CASD1: variants seen among roughly 807,000 people sequenced by gnomAD.
The protein encoded by CASD1 is N-acetylneuraminate (7)9-O-acetyltransferase.
A neutral mutation model predicts 100.0 loss-of-function variants in CASD1; 41 were observed. The observed-to-expected ratio is 0.41, with a 90% CI of 0.32 to 0.53. The LOEUF is 0.53. Ranked by LOEUF, CASD1 falls within the 20% of genes least tolerant of loss-of-function variation. CASD1 has a pLI of 0.25. For missense variants in CASD1, 774 were observed against 948.7 expected, an observed-to-expected ratio of 0.82 and a Z score of 2.42; for synonymous variants, 321 against 315.6, an observed-to-expected ratio of 1.02 and a Z score of -0.18.
chr7:94,570,467 C>T, the CASD1 span, among the ~76,000 whole-genome samples: 4 of 151,964 alleles, frequency 2.6e-5, no homozygotes, highest in Non-Finnish European at 5.9e-5. Context: ...ATCGTGTGCC[C>T]AATAATATAG....
At chr7:94,587,834 A>C in the CASD1 span, 1 of 1,533,346 alleles carries the variant, frequency 6.5e-7, no homozygotes. Flanking sequence ...GAAAGCAGTA[A>C]TAGAGAAGAT....
intron 14 of CASD1, among the ~76,000 whole-genome samples, chr7:94,550,356 G>T (rs1795889715): frequency 6.6e-6 from 1 of 151,384 alleles, no homozygotes; most frequent in Non-Finnish European, 1.5e-5. Context: ...CATTTTTCCA[G>T]TGTACTACAT....
At chr7:94,537,307 C>G (rs1795168379) in intron 8 of CASD1, among the ~76,000 whole-genome samples, 165 bp from the exon 9 acceptor site, 1 of 152,102 alleles carries the variant, frequency 6.6e-6, no homozygotes, top group Non-Finnish European at 1.5e-5. Context: ...CTAGCTGTTA[C>G]AGATGGAATG....
the CASD1 span, among the ~76,000 whole-genome samples, chr7:94,630,951 G>T: frequency 6.6e-6 from 1 of 151,938 alleles, no homozygotes; most frequent in Non-Finnish European, 1.5e-5. Context: ...CTTTATCTGT[G>T]AAAACTTGTC....
chr7:94,624,327 T>G, the CASD1 span: 3 of 397,632 alleles, frequency 7.5e-6, no homozygotes, highest in Non-Finnish European at 1.3e-5. Flanking sequence ...ATATCAAAGA[T>G]TTTTATACAT....
intron 17 of CASD1, among the ~76,000 whole-genome samples, chr7:94,555,083 T>C (rs1486788828): frequency 6.6e-6 from 1 of 152,108 alleles, no homozygotes; most frequent in African/African-American, 2.4e-5. Context: ...ACAAAATCAG[T>C]TTGAACAGTA....
At chr7:94,533,271 T>C in intron 6 of CASD1, 22 bp downstream of exon 6, 1 of 1,591,014 alleles carries the variant, frequency 6.3e-7, no homozygotes, top group Non-Finnish European at 8.6e-7. Context: ...TCTGTATTCT[T>C]ACTTAATGAT....
chr7:94,567,030 T>G, the CASD1 span, among the ~76,000 whole-genome samples: 2 of 152,178 alleles, frequency 1.3e-5, no homozygotes, highest in African/African-American at 4.8e-5. Flanking sequence ...AGAATGGCTA[T>G]ACTCCAGATA....
chr7:94,560,989 C>T (rs1193366272), downstream of CASD1, among the ~76,000 whole-genome samples: 1 of 152,016 alleles, frequency 6.6e-6, no homozygotes, highest in African/African-American at 2.4e-5. Context: ...AGAAAAAATA[C>T]AAGTGGGAAC....
At chr7:94,572,342 T>C in the CASD1 span, among the ~76,000 whole-genome samples, 2 of 152,204 alleles carry the variant, frequency 1.3e-5, no homozygotes, top group African/African-American at 2.4e-5. Flanking sequence ...TTTCAACTTA[T>C]TTGAGTCTCT....
intron 1 of CASD1, among the ~76,000 whole-genome samples, chr7:94,514,815 C>T (rs1793891476): frequency 6.6e-6 from 1 of 152,028 alleles, no homozygotes; most frequent in Non-Finnish European, 1.5e-5. Flanking sequence ...ATCTGAACGC[C>T]TGGCAACATT....
chr7:94,574,382 A>G, the CASD1 span, among the ~76,000 whole-genome samples: 3 of 152,200 alleles, frequency 2.0e-5, no homozygotes, highest in South Asian at 6.2e-4. Context: ...TTGGTAGGCT[A>G]CTTATTACTG....
chr7:94,533,144 T>TG, intron 5 of CASD1, 61 bp from the exon 6 acceptor site: 1 of 1,166,898 alleles, frequency 8.6e-7, no homozygotes, highest in Admixed American at 2.1e-5. Flanking sequence ...TTAAATGATG[T>TG]TACTTGTAGT....
chr7:94,515,224 G>C (rs574725223), intron 1 of CASD1, among the ~76,000 whole-genome samples: 2 of 152,132 alleles, frequency 1.3e-5, no homozygotes, highest in South Asian at 4.1e-4. Context: ...ATATGATACA[G>C]ACACACATGG....
chr7:94,600,512 T>C, the CASD1 span: 1 of 674,798 alleles, frequency 1.5e-6, no homozygotes, highest in Admixed American at 2.5e-5. Flanking sequence ...GAATAAAGTA[T>C]TGCAGTTTGG....
chr7:94,568,730 A>G, the CASD1 span, among the ~76,000 whole-genome samples: 5 of 152,228 alleles, frequency 3.3e-5, no homozygotes. Flanking sequence ...GGAGATGATT[A>G]GGTCCTGAGG....
chr7:94,584,053 C>T, the CASD1 span, among the ~76,000 whole-genome samples: 2 of 152,124 alleles, frequency 1.3e-5, no homozygotes, highest in Non-Finnish European at 2.9e-5. Flanking sequence ...GATTTCTCTC[C>T]CCATTCAATA....
the CASD1 span, among the ~76,000 whole-genome samples, chr7:94,586,209 G>T: frequency 2.0e-5 from 3 of 151,892 alleles, no homozygotes; most frequent in Non-Finnish European, 4.4e-5. Flanking sequence ...AAACTGACAT[G>T]TGCATAATGT....
the CASD1 span, chr7:94,624,157 T>C: frequency 1.2e-5 from 4 of 332,112 alleles, no homozygotes; most frequent in South Asian, 5.3e-4. Context: ...ACATCTGCAG[T>C]ACCTCAAAAA....
Sources: gnomAD v4.1 joint callset for allele counts (sites outside exome capture counted in the v4.1 genomes callset) on GRCh38, gnomAD v4.1.1 for gene constraint, MANE v1.5 for transcripts, NCBI Gene and HGNC (gene_info 2026-07-23, HGNC 2026-07-21) for gene names.